DOCK9: variants seen among roughly 807,000 people sequenced by gnomAD.
DOCK9 encodes the protein dedicator of cytokinesis 9, also known as dedicator of cytokinesis protein 9.
Under a neutral mutation model 263.3 loss-of-function variants are expected in DOCK9, and 89 were observed. The observed-to-expected ratio is 0.34, with a 90% CI of 0.28 to 0.40. The LOEUF is 0.40. DOCK9 is among the 10% of genes least tolerant of loss of function. DOCK9 has a pLI of 1.00. For missense variants in DOCK9, 2,140 were observed against 2,603.4 expected, an observed-to-expected ratio of 0.82 and a Z score of 3.87; for synonymous variants, 976 against 973.1, an observed-to-expected ratio of 1.00 and a Z score of -0.06.
rs537407523 is a variant in DOCK9 at position 99,004,905 on chromosome 13, C to G, written c.130-49354G>C. The stretch of plus-strand genomic sequence containing the variant: ...CTAGTTAAGGAGGGAAATTAATTAT[C>G]CTTAGAATTTGTATAATGTATAAAA... On this transcript the variant is annotated intron_variant, in intron 1 of 32. Coordinates refer to the DOCK9 transcript ENST00000427887. 9.9e-5 allele frequency among the ~76,000 whole-genome samples: 15 copies of G among 151,796 alleles called. No homozygotes were observed. The East Asian group carries it at 2.5e-3, about 25-fold the overall frequency.
At chr13:98,966,710 T>C (rs1302789091) in intron 1 of DOCK9, among the ~76,000 whole-genome samples, 1 of 152,218 alleles carries the variant, frequency 6.6e-6, no homozygotes, top group East Asian at 1.9e-4. Flanking sequence ...GGAATATTCA[T>C]AACACATAGT....
rs749907562 is a variant in DOCK9, at chr13:98,799,632, T to C, written c.5916+656A>G. On this transcript the variant is annotated intron_variant, in intron 50 of 52. Coordinates refer to ENST00000682017, the MANE Select transcript of DOCK9 (RefSeq NM_001366683.2). ...GATGATCTTTTCAATAAATTGTGTA[T>C]ATCACTTGGAAGGTCATATGGAAAA... is the stretch of plus-strand genomic sequence containing the variant. Among the ~76,000 whole-genome samples, 39 of 152,182 alleles carry C rather than the reference T, an allele frequency of 2.6e-4. 1 individual carries two copies. Among genetic ancestry groups the C allele is most frequent in the Non-Finnish European group, 5.4e-4 (37 of 68,030 alleles).
intron 1 of DOCK9, among the ~76,000 whole-genome samples, chr13:98,961,256 C>T (rs2058608520): frequency 1.3e-5 from 2 of 152,150 alleles, no homozygotes; most frequent in Non-Finnish European, 1.5e-5. Flanking sequence ...ACAACAGAGC[C>T]CCCACTTAGC....
intron 37 of DOCK9, chr13:98,846,838 C>T (rs181643877): frequency 6.5e-5 from 23 of 351,162 alleles, no homozygotes; most frequent in African/African-American, 4.1e-4. Context: ...GGATGGCAAA[C>T]ATGTACAAGG....
At chr13:98,827,302 C>T (rs368537796) in intron 43 of DOCK9, among the ~76,000 whole-genome samples, 13 of 152,208 alleles carry the variant, frequency 8.5e-5, no homozygotes, top group Admixed American at 3.3e-4. Flanking sequence ...ATATATTTTT[C>T]GCTTGACTTA....
chr13:99,077,075 GGGT>G (rs2041937397), intron 1 of DOCK9, among the ~76,000 whole-genome samples: 1 of 152,150 alleles, frequency 6.6e-6, no homozygotes, highest in African/African-American at 2.4e-5. Flanking sequence ...ATACATGGGA[GGGT>G]GGTGTCTGAT....
At chr13:98,795,692 T>A (rs1211511918) in intron 52 of DOCK9, among the ~76,000 whole-genome samples, 1 of 152,152 alleles carries the variant, frequency 6.6e-6, no homozygotes, top group Non-Finnish European at 1.5e-5. Context: ...GAAAATCGGT[T>A]CCCATGAGTC....
chr13:98,908,681 T>C (rs1225741203), intron 9 of DOCK9, among the ~76,000 whole-genome samples: 3 of 152,164 alleles, frequency 2.0e-5, no homozygotes, highest in Non-Finnish European at 4.4e-5. Context: ...ACCTTACATA[T>C]GTTTATCTAT....
chr13:98,915,137 C>T (rs1450495035), intron 8 of DOCK9, among the ~76,000 whole-genome samples, 192 bp downstream of exon 8: 2 of 151,188 alleles, frequency 1.3e-5, no homozygotes, highest in African/African-American at 4.8e-5. Context: ...TACATGATTT[C>T]CATATACGAA....
intron 15 of DOCK9, among the ~76,000 whole-genome samples, chr13:98,895,245 T>C (rs1292217777): frequency 1.3e-5 from 2 of 152,114 alleles, no homozygotes; most frequent in South Asian, 2.1e-4. Flanking sequence ...ATGATGTCTA[T>C]AAAAATGTAT....
At chr13:99,087,590 T>A (rs2042376409), upstream of DOCK9, among the ~76,000 whole-genome samples, 1 of 152,144 alleles carries the variant, frequency 6.6e-6, no homozygotes, top group African/African-American at 2.4e-5. Context: ...ACCGCTTTCC[T>A]GTCCCTAAGG....
intron 1 of DOCK9, among the ~76,000 whole-genome samples, chr13:98,964,279 T>A (rs1310998740): frequency 6.6e-6 from 1 of 152,162 alleles, no homozygotes; most frequent in African/African-American, 2.4e-5. Context: ...ACAGCCCTAT[T>A]GTATTTGCTG....
chr13:98,979,306 G>A (rs1876481556), upstream of DOCK9, among the ~76,000 whole-genome samples: 1 of 152,060 alleles, frequency 6.6e-6, no homozygotes, highest in Non-Finnish European at 1.5e-5. Flanking sequence ...GCAACAATAG[G>A]TGCCAGAGGA....
chr13:98,926,481 A>G (rs1473652488), intron 3 of DOCK9, among the ~76,000 whole-genome samples: 1 of 152,198 alleles, frequency 6.6e-6, no homozygotes, highest in African/African-American at 2.4e-5. Context: ...GTGTGTGTAC[A>G]GAATGTTTAA....
chr13:98,964,199 G>A (rs1020169672), intron 1 of DOCK9, among the ~76,000 whole-genome samples: 3 of 152,214 alleles, frequency 2.0e-5, no homozygotes, highest in African/African-American at 7.2e-5. Context: ...CAGGGACCAG[G>A]AGTGGCATCT....
intron 4 of DOCK9, among the ~76,000 whole-genome samples, chr13:98,923,994 C>T (rs1227309178): frequency 1.3e-5 from 2 of 152,176 alleles, no homozygotes; most frequent in African/African-American, 2.4e-5. Flanking sequence ...TCTCATCACA[C>T]ATTTGGAAAT....
rs866529133 is a variant in DOCK9 at position 99,011,649 on chromosome 13, C to T, written c.130-56098G>A. On this transcript the variant is annotated intron_variant, in intron 1 of 32. Transcript: ENST00000427887. The stretch of plus-strand genomic sequence containing the variant: ...CAATCACCTAGGAACTTTAGACATA[C>T]TCACTCATTTAATAGCCCTATGAGG... Among the ~76,000 whole-genome samples, 9 of 152,292 alleles carry T rather than the reference C, an allele frequency of 5.9e-5. No individual in the cohort carries two copies. In the South Asian group the frequency reaches 1.7e-3, roughly 28 times the overall value.
intron 1 of DOCK9, among the ~76,000 whole-genome samples, chr13:98,974,356 G>A (rs1016916001): frequency 9.9e-5 from 15 of 152,106 alleles, no homozygotes; most frequent in African/African-American, 3.6e-4. Context: ...CTCACTTACT[G>A]TCACAATGCA....
intron 34 of DOCK9, among the ~76,000 whole-genome samples, chr13:98,855,551 G>A (rs1234108642): frequency 3.3e-5 from 5 of 152,086 alleles, no homozygotes; most frequent in South Asian, 2.1e-4. Flanking sequence ...CAGCCTGGGC[G>A]ACAGAGCGAG....
Sources: gnomAD v4.1 joint callset for allele counts (sites outside exome capture counted in the v4.1 genomes callset) on GRCh38, gnomAD v4.1.1 for gene constraint, MANE v1.5 for transcripts, NCBI Gene and HGNC (gene_info 2026-07-23, HGNC 2026-07-21) for gene names.